HCRTR2: variants seen among roughly 807,000 people sequenced by gnomAD.
The protein encoded by HCRTR2 is hypocretin receptor 2, also known as orexin receptor type 2.
HCRTR2 carries 22 observed loss-of-function variants against 49.0 expected under a neutral mutation model. That is an observed-to-expected ratio of 0.45 (90% CI 0.32 to 0.64). The LOEUF is 0.64. Among genes scored for constraint, HCRTR2 ranks in the 30% least tolerant of loss-of-function variants. HCRTR2 has a pLI of 0.04. For missense variants in HCRTR2, 491 were observed against 559.4 expected (o/e 0.88, Z 1.23); for synonymous variants, 236 against 205.3 (o/e 1.15, Z -1.28).
At chr6:55,224,805 T>C (rs1475636144) in intron 1 of HCRTR2, among the ~76,000 whole-genome samples, 2 of 152,068 alleles carry the variant, frequency 1.3e-5, no homozygotes, top group African/African-American at 4.8e-5. Flanking sequence ...TCTAAAAAAG[T>C]TGACTTCATG....
At position 55,245,466 on chromosome 6, in the gene HCRTR2, ATT is replaced by A. The variant is rs1491118486; in HGVS notation, c.224-3170_224-3169del. Among the ~76,000 whole-genome samples the A allele has an allele frequency of 6.5e-3, 459 of 70,898 alleles. 15 individuals carry two copies. The highest frequency in any genetic ancestry group is 0.013 in the South Asian group (29 of 2,232). 46.5% of individuals were successfully genotyped at this position (70,898 alleles called of 152,430 possible). ...GTATACACATAGAATACATAGGAAG[ATT>A]TTATATATATATATATATATATATA... is the stretch of plus-strand genomic sequence containing the variant. On this transcript the variant is annotated intron_variant, in intron 1 of 6. Coordinates refer to ENST00000370862, the MANE Select transcript of HCRTR2 (RefSeq NM_001384272.1).
At chr6:55,177,210 T>C (rs1765056609) in intron 1 of HCRTR2, among the ~76,000 whole-genome samples, 1 of 152,148 alleles carries the variant, frequency 6.6e-6, no homozygotes, top group Admixed American at 6.5e-5. Context: ...AAAGAAAGAT[T>C]TACTCAAAGC....
chr6:55,232,935 G>T (rs1766142039), intron 1 of HCRTR2, among the ~76,000 whole-genome samples: 1 of 152,110 alleles, frequency 6.6e-6, no homozygotes, highest in Non-Finnish European at 1.5e-5. Flanking sequence ...TGATTTTAAA[G>T]ATTAGGCTTT....
intron 4 of HCRTR2, among the ~76,000 whole-genome samples, chr6:55,274,332 C>CTT (rs1767037012): frequency 6.9e-6 from 1 of 145,610 alleles, no homozygotes; most frequent in South Asian, 2.1e-4. Flanking sequence ...AATATATATA[C>CTT]TTATATATAT....
chr6:55,185,627 A>G (rs989849045), intron 1 of HCRTR2, among the ~76,000 whole-genome samples: 2 of 152,176 alleles, frequency 1.3e-5, no homozygotes, highest in Non-Finnish European at 2.9e-5. Flanking sequence ...TCCAAACATT[A>G]AAAATGCTGA....
chr6:55,177,498 A>G (rs1765061602), intron 1 of HCRTR2, among the ~76,000 whole-genome samples: 1 of 152,214 alleles, frequency 6.6e-6, no homozygotes, highest in Non-Finnish European at 1.5e-5. Context: ...ACAGGATGTC[A>G]CATGATTTAT....
intron 1 of HCRTR2, among the ~76,000 whole-genome samples, chr6:55,227,315 A>G (rs1766028308): frequency 6.6e-6 from 1 of 152,166 alleles, no homozygotes; most frequent in Admixed American, 6.5e-5. Flanking sequence ...AGTGGTCAGG[A>G]TTAGTTTTAG....
intron 1 of HCRTR2, among the ~76,000 whole-genome samples, chr6:55,142,235 C>T (rs991411326): frequency 1.3e-5 from 2 of 151,592 alleles, no homozygotes; most frequent in African/African-American, 2.4e-5. Context: ...CTTGCTCTGT[C>T]GCCCAGGCTA....
At position 55,282,514 on chromosome 6, in the gene HCRTR2, A is replaced by C. The variant is rs1767213114; in HGVS notation, c.*60A>C. On this transcript the variant is annotated 3_prime_UTR_variant, in exon 7 of 7. Transcript: ENST00000370862. ...AACTATCCTTTTTAAAATCACTGGG[A>C]ACAGAAATTTTATTATCCTATGATG... 1.1e-6 allele frequency: 1 copy of C among 936,562 alleles called. No individual in the cohort carries two copies. The highest frequency in any genetic ancestry group is 1.9e-5 in the Admixed American group (1 of 52,122). The allele number at this position is 936,562 out of a possible 1,614,324, so 58.0% of individuals were successfully genotyped here. A position where few individuals can be genotyped will look rare whatever the true frequency, so the allele number is the denominator to read the frequency against.
intron 4 of HCRTR2, among the ~76,000 whole-genome samples, chr6:55,272,878 G>T (rs1767000652): frequency 8.0e-6 from 1 of 124,480 alleles, no homozygotes; most frequent in African/African-American, 3.2e-5. Flanking sequence ...CAAAGAAGAA[G>T]TCATAGACTG....
chr6:55,256,953 A>G (rs1232604891), intron 3 of HCRTR2, among the ~76,000 whole-genome samples: 1 of 152,142 alleles, frequency 6.6e-6, no homozygotes, highest in African/African-American at 2.4e-5. Flanking sequence ...AAATGAGAGA[A>G]CAAACTCAGT....
intron 1 of HCRTR2, among the ~76,000 whole-genome samples, chr6:55,167,548 C>T (rs1182306342): frequency 2.6e-5 from 4 of 152,162 alleles, no homozygotes; most frequent in East Asian, 1.9e-4. Flanking sequence ...AACTGAGATC[C>T]AGAAGAAATA....
chr6:55,133,011 T>G (rs1340644735), intron 1 of HCRTR2, among the ~76,000 whole-genome samples: 1 of 151,784 alleles, frequency 6.6e-6, no homozygotes, highest in African/African-American at 2.4e-5. Flanking sequence ...AAAACTGGGA[T>G]AGCTGATAAT....
upstream of HCRTR2, chr6:55,174,503 G>T (rs200162484): frequency 8.3e-5 from 98 of 1,175,886 alleles, no homozygotes; most frequent in Non-Finnish European, 1.1e-4. Context: ...TCTCCGCGCA[G>T]CCTTTCCCAC....
chr6:55,236,940 T>A (rs907503788), intron 1 of HCRTR2, among the ~76,000 whole-genome samples: 3 of 152,124 alleles, frequency 2.0e-5, no homozygotes, highest in Non-Finnish European at 4.4e-5. Context: ...ATATTGAGAA[T>A]CCAATCACAG....
chr6:55,257,936 A>G (rs1422928579), intron 3 of HCRTR2, among the ~76,000 whole-genome samples: 2 of 152,034 alleles, frequency 1.3e-5, no homozygotes, highest in Non-Finnish European at 2.9e-5. Context: ...GAAATTGCTA[A>G]GAATATTTTT....
chr6:55,163,528 G>A (rs4385312), intron 1 of HCRTR2, among the ~76,000 whole-genome samples: 98,417 of 152,000 alleles, frequency 0.65, 32,263 homozygotes, highest in East Asian at 0.84. Context: ...AATGGGGAAA[G>A]GATTTCCTAT....
intron 3 of HCRTR2, among the ~76,000 whole-genome samples, chr6:55,263,120 A>C (rs1405504351): frequency 2.6e-5 from 4 of 152,050 alleles, no homozygotes; most frequent in African/African-American, 9.7e-5. Context: ...AATTTTGTAT[A>C]TGTTCCAATA....
At chr6:55,221,614 C>G (rs571769864) in intron 1 of HCRTR2, among the ~76,000 whole-genome samples, 6 of 151,846 alleles carry the variant, frequency 4.0e-5, no homozygotes, top group African/African-American at 9.7e-5. Context: ...AAGATCGAGA[C>G]CATCCTGGCT....
Sources: gnomAD v4.1 joint callset for allele counts (sites outside exome capture counted in the v4.1 genomes callset) on GRCh38, gnomAD v4.1.1 for gene constraint, MANE v1.5 for transcripts, NCBI Gene and HGNC (gene_info 2026-07-23, HGNC 2026-07-21) for gene names.